DNAH14: variants seen among roughly 807,000 people sequenced by gnomAD.
DNAH14 encodes dynein axonemal heavy chain 14, also known as axonemal beta dynein heavy chain 14.
In DNAH14, 478 loss-of-function variants were observed where a neutral mutation model predicts 520.9. That is an observed-to-expected ratio of 0.92 (90% CI 0.85 to 0.99). DNAH14 has a LOEUF of 0.99. Ranked by LOEUF, DNAH14 falls within the 50% of genes least tolerant of loss-of-function variation. The probability of loss-of-function intolerance (pLI) is 0.00; values close to 1 mark genes in which losing one functional copy is unlikely to be tolerated. For synonymous variants in DNAH14, 1,581 were observed against 1,757.2 expected, an observed-to-expected ratio of 0.90 and a Z score of 2.51; for missense variants, 4,831 against 5,234.5, an observed-to-expected ratio of 0.92 and a Z score of 2.38.
At chr1:225,141,488 G>C (rs1178078130) in intron 28 of DNAH14, among the ~76,000 whole-genome samples, 1 of 141,640 alleles carries the variant, frequency 7.1e-6, no homozygotes, top group East Asian at 2.3e-4. Flanking sequence ...CGGGGGCGGG[G>C]GCGGTCCTGA....
chr1:224,967,690 T>G, intron 6 of DNAH14, 107 bp downstream of exon 6: 2 of 1,598,956 alleles, frequency 1.3e-6, no homozygotes, highest in Non-Finnish European at 1.7e-6. Flanking sequence ...AGATACTTGG[T>G]CATTTGTGGA....
intron 36 of DNAH14, among the ~76,000 whole-genome samples, chr1:225,174,227 A>ATGTACCCTAAAC (rs990005457): frequency 2.0e-5 from 3 of 152,132 alleles, no homozygotes; most frequent in Admixed American, 6.5e-5. Context: ...TAACCTGCAC[A>ATGTACCCTAAAC]TTGTGCACAT....
At chr1:225,263,952 C>A (rs373658406) in intron 46 of DNAH14, among the ~76,000 whole-genome samples, 10 of 152,014 alleles carry the variant, frequency 6.6e-5, no homozygotes, top group African/African-American at 2.2e-4. Context: ...GAGAAAATAT[C>A]TAACTGTCTG....
intron 23 of DNAH14, among the ~76,000 whole-genome samples, chr1:225,102,922 T>A (rs979577745): frequency 5.5e-4 from 84 of 152,230 alleles, no homozygotes; most frequent in African/African-American, 1.9e-3. Context: ...TTTTGGCTTT[T>A]GTTGCCATTG....
At position 225,206,135 on chromosome 1, in the gene DNAH14, C is replaced by T. The variant is rs1216686708; in HGVS notation, c.6142C>T (p.Gln2048Ter). 1.3e-6 allele frequency: 2 copies of T among 1,551,456 alleles called. No homozygotes were observed. Among genetic ancestry groups the T allele is most frequent in the East Asian group, 2.4e-5 (1 of 40,904 alleles). Residue 2048 changes from glutamine to a stop codon, truncating the protein, a stop_gained, in exon 40 of 86, where the codon CAG (glutamine) becomes TAG (stop). Transcript: ENST00000682510. LOFTEE classifies it high-confidence loss of function. ...RVIFEVDNLS[Q>*]ASPATVSRCA... ...GATTTTTGAAGTGGACAATCTCTCT[C>T]AGGCCAGTCCTGCTACTGTCAGCCG...
At chr1:225,282,749 G>C (rs989441072) in intron 54 of DNAH14, among the ~76,000 whole-genome samples, 1 of 152,232 alleles carries the variant, frequency 6.6e-6, no homozygotes, top group Admixed American at 6.5e-5. Context: ...TGCTAAGGGA[G>C]AGTTTGATAG....
intron 36 of DNAH14, among the ~76,000 whole-genome samples, chr1:225,182,916 A>C (rs1003204064): frequency 6.6e-6 from 1 of 152,186 alleles, no homozygotes; most frequent in Non-Finnish European, 1.5e-5. Flanking sequence ...AGGCCATAGT[A>C]CAACAGTCCT....
At chr1:225,103,290 T>G (rs2148750894) in intron 23 of DNAH14, among the ~76,000 whole-genome samples, 1 of 152,346 alleles carries the variant, frequency 6.6e-6, no homozygotes, top group African/African-American at 2.4e-5. Context: ...TTGGTTACTA[T>G]AGCCTTGTAG....
rs942298087 is a variant in DNAH14, at chr1:225,040,199, G to A, written c.1488+1376G>A. Among the ~76,000 whole-genome samples the A allele has an allele frequency of 1.3e-4, 20 of 151,990 alleles. No homozygotes were observed. In the East Asian group the frequency reaches 3.1e-3, roughly 24 times the overall value. On this transcript the variant is annotated intron_variant, in intron 12 of 85. Coordinates refer to ENST00000682510, the MANE Select transcript of DNAH14 (RefSeq NM_001367479.1). ...CGTGATCTGCCCGCCTCGGCCTCCCGAAGTGTTGGGATTACAGGCATGAGC... is the reference window on the plus strand; with the variant it reads ...CGTGATCTGCCCGCCTCGGCCTCCCAAAGTGTTGGGATTACAGGCATGAGC...
intron 10 of DNAH14, 66 bp downstream of exon 10, chr1:225,007,610 T>C: frequency 7.6e-7 from 1 of 1,307,564 alleles, no homozygotes. Context: ...TTGATCCAAA[T>C]TGCATCCCTG....
At chr1:224,951,595 A>G (rs186074134) in intron 1 of DNAH14, among the ~76,000 whole-genome samples, 1 of 149,596 alleles carries the variant, frequency 6.7e-6, no homozygotes, top group Non-Finnish European at 1.5e-5. Flanking sequence ...AGACTGTCCT[A>G]CATTGATGTT....
chr1:225,351,327 G>T (rs1043006894), intron 71 of DNAH14, among the ~76,000 whole-genome samples: 1 of 152,104 alleles, frequency 6.6e-6, no homozygotes, highest in African/African-American at 2.4e-5. Flanking sequence ...GGAAGCAAAT[G>T]TTGCAGTGAG....
Position 225,206,134 on chromosome 1 carries a change from TC to T in DNAH14, c.6142del (p.Gln2048ArgfsTer31). ...RVIFEVDNLSQASPATVSRCA... is the reference protein window; with the variant it reads ...RVIFEVDNLSXASPATVSRCA... ...TGATTTTTGAAGTGGACAATCTCTCTCAGGCCAGTCCTGCTACTGTCAGCCG... is the reference window on the plus strand; with the variant it reads ...TGATTTTTGAAGTGGACAATCTCTCTAGGCCAGTCCTGCTACTGTCAGCCG... On this transcript the variant is annotated frameshift_variant, in exon 40 of 86. Transcript: ENST00000682510. LOFTEE classifies it high-confidence loss of function. 6.4e-7 allele frequency: 1 copy of T among 1,551,506 alleles called. No individual in the cohort carries two copies.
rs150400746 is a variant in DNAH14, at chr1:225,284,993, G to T, written c.8272-4892G>T. The stretch of plus-strand genomic sequence containing the variant: ...GGAAGCTTCAGCAACCTAATAAAGA[G>T]CTTCTGTGAAAAACTTACAGCTAGC... On this transcript the variant is annotated intron_variant, in intron 54 of 85. Transcript: ENST00000682510. 3.6e-3 allele frequency among the ~76,000 whole-genome samples: 548 copies of T among 152,208 alleles called. 6 individuals carry two copies. The highest frequency in any genetic ancestry group is 0.013 in the African/African-American group (519 of 41,514).
At chr1:225,075,176 A>T (rs77340725) in intron 17 of DNAH14, among the ~76,000 whole-genome samples, 6,358 of 152,252 alleles carry the variant, frequency 0.042, 220 homozygotes, top group Non-Finnish European at 0.062. Context: ...GCAAAGATCC[A>T]TGGGAGAAGT....
chr1:225,145,399 G>A lies in DNAH14; in HGVS notation c.4794+20G>A. 1 of 1,520,640 alleles carries A rather than the reference G, an allele frequency of 6.6e-7. No homozygotes were observed. Among genetic ancestry groups the A allele is most frequent in the Non-Finnish European group, 8.9e-7 (1 of 1,129,224 alleles). The allele number at this position is 1,520,640 out of a possible 1,614,324, so 94.2% of individuals were successfully genotyped here. A position where few individuals can be genotyped will look rare whatever the true frequency, so the allele number is the denominator to read the frequency against. On this transcript the variant is annotated intron_variant, in intron 30 of 85. Transcript: ENST00000682510. ...TATAAGGTAAACCTTAAACATATGT[G>A]TCAGGAAGAAATATTGTACACATAA...
At chr1:225,219,747 C>T (rs2089848863) in intron 41 of DNAH14, among the ~76,000 whole-genome samples, 1 of 152,150 alleles carries the variant, frequency 6.6e-6, no homozygotes, top group South Asian at 2.1e-4. Context: ...GAGCTAGAAC[C>T]ATTTTTTTCT....
At chr1:225,152,173 T>C (rs1053258603) in intron 32 of DNAH14, 100 bp downstream of exon 32, 187 of 1,025,814 alleles carry the variant, frequency 1.8e-4, no homozygotes, top group Non-Finnish European at 2.6e-4. Flanking sequence ...TCTATCCATA[T>C]ATCTGTCTCC....
intron 65 of DNAH14, among the ~76,000 whole-genome samples, chr1:225,333,023 T>C (rs1480130654): frequency 3.9e-5 from 6 of 151,988 alleles, no homozygotes; most frequent in Non-Finnish European, 8.8e-5. Context: ...AAAAAAATTG[T>C]CCTGCTTTAT....
Sources: allele counts gnomAD v4.1 joint callset (sites outside exome capture counted in the v4.1 genomes callset), GRCh38; gene constraint gnomAD v4.1.1; transcripts MANE v1.5; gene names NCBI Gene and HGNC (gene_info 2026-07-23, HGNC 2026-07-21).